Variants in FOXP1 observed in about 807,000 individuals in gnomAD.
FOXP1 encodes forkhead box protein P1.
Under a neutral mutation model 98.2 loss-of-function variants are expected in FOXP1, and 15 were observed. The ratio of observed to expected loss-of-function variants is 0.15; its 90% CI spans 0.10 to 0.24. The LOEUF (loss-of-function observed/expected upper bound fraction) is 0.24, where lower values mean the gene tolerates loss of function less well. Among genes scored for constraint, FOXP1 ranks in the 10% least tolerant of loss-of-function variants. The pLI is 1.00. For missense variants in FOXP1, 633 were observed against 848.5 expected (o/e 0.75, Z 3.15); for synonymous variants, 371 against 314.5 (o/e 1.18, Z -1.90).
chr3:71,319,594 T>C (rs1416818789), intron 4 of FOXP1, among the ~76,000 whole-genome samples: 4 of 152,190 alleles, frequency 2.6e-5, no homozygotes, highest in African/African-American at 9.7e-5. Context: ...TGTAAAGAGC[T>C]GCTATACTCC....
At chr3:71,308,749 ATGTGTGTGTGTGTGTGTGTG>A (rs71104439) in intron 4 of FOXP1, among the ~76,000 whole-genome samples, 16,863 of 132,282 alleles carry the variant, frequency 0.13, 1,092 homozygotes, top group Non-Finnish European at 0.14. Flanking sequence ...TTCTACCACA[ATGTGTGTGTGTGTGTGTGTG>A]TGTGTGTGTG....
chr3:71,154,603 C>T (rs1005253003), intron 6 of FOXP1, among the ~76,000 whole-genome samples: 3 of 152,172 alleles, frequency 2.0e-5, no homozygotes, highest in Admixed American at 2.0e-4. Flanking sequence ...TGGGCGGAGG[C>T]AAAGAACACG....
intron 5 of FOXP1, among the ~76,000 whole-genome samples, chr3:71,258,620 G>A (rs2107152553): frequency 6.6e-6 from 1 of 152,270 alleles, no homozygotes; most frequent in East Asian, 1.9e-4. Flanking sequence ...CAGGCAGGAA[G>A]GCAAGGACAG....
chr3:71,402,742 G>A (rs1216090617), intron 3 of FOXP1, among the ~76,000 whole-genome samples: 1 of 152,236 alleles, frequency 6.6e-6, no homozygotes, highest in Non-Finnish European at 1.5e-5. Context: ...CTGATGGAAT[G>A]TGCTGCTGAG....
intron 11 of FOXP1, among the ~76,000 whole-genome samples, chr3:71,036,058 C>G (rs2047537512): frequency 6.6e-6 from 1 of 152,154 alleles, no homozygotes; most frequent in Non-Finnish European, 1.5e-5. Flanking sequence ...GGCCTGTAAA[C>G]ACAAATGTTA....
intron 3 of FOXP1, among the ~76,000 whole-genome samples, chr3:71,455,779 A>C (rs1041795401): frequency 6.6e-6 from 1 of 152,218 alleles, no homozygotes; most frequent in African/African-American, 2.4e-5. Flanking sequence ...TTACCTAAGA[A>C]AGAAAAGAGC....
At chr3:71,000,634 T>C (rs1261780465) in intron 13 of FOXP1, among the ~76,000 whole-genome samples, 6 of 150,972 alleles carry the variant, frequency 4.0e-5, no homozygotes, top group Non-Finnish European at 1.5e-5. Flanking sequence ...AACCAGAAAA[T>C]GCAAAGGAGA....
At chr3:71,533,690 G>A (rs1202549923) in intron 2 of FOXP1, among the ~76,000 whole-genome samples, 1 of 152,064 alleles carries the variant, frequency 6.6e-6, no homozygotes, top group Non-Finnish European at 1.5e-5. Flanking sequence ...TTTAAAGGGG[G>A]CAATAGCAAA....
chr3:71,186,908 A>G (rs2062681987), intron 6 of FOXP1, among the ~76,000 whole-genome samples: 2 of 152,222 alleles, frequency 1.3e-5, no homozygotes, highest in South Asian at 2.1e-4. Context: ...TGTCAGATTA[A>G]TATCTTAGGC....
rs538358113 is a variant in FOXP1 at position 71,068,718 on chromosome 3, A to AC, written c.283-14946dup. On this transcript the variant is annotated intron_variant, in intron 7 of 20. Transcript: ENST00000649528. ...CCAGGACATATTCTGAAATGACAGA[A>AC]CTTAAAGAGATTCAACCAACTGATT... Among the ~76,000 whole-genome samples the AC allele has an allele frequency of 3.7e-3, 560 of 152,360 alleles. 4 individuals carry two copies. The highest frequency in any genetic ancestry group is 0.01 in the South Asian group (50 of 4,830).
chr3:71,572,373 G>A (rs1450302364), intron 2 of FOXP1: 1 of 152,148 alleles, frequency 6.6e-6, no homozygotes, highest in South Asian at 2.1e-4. Context: ...AATTTTCAAT[G>A]TACAGAGTGC....
rs1168172407 is a variant in FOXP1 at position 71,014,830 on chromosome 3, T to C, written c.974+719A>G. Among the ~76,000 whole-genome samples the C allele has an allele frequency of 5.3e-5, 8 of 152,188 alleles. No individual in the cohort carries two copies. In the East Asian group the frequency reaches 1.3e-3, roughly 26 times the overall value. ...GCAGCCATAAAAAAGGATGAGTTCA[T>C]GTCCTCTGTAGGGACACAGATGAAG... On this transcript the variant is annotated intron_variant, in intron 12 of 20. Transcript: ENST00000649528.
At chr3:71,092,926 C>A (rs2056039687) in intron 7 of FOXP1, among the ~76,000 whole-genome samples, 1 of 152,154 alleles carries the variant, frequency 6.6e-6, no homozygotes, top group African/African-American at 2.4e-5. Context: ...GAGATTAGTT[C>A]TTGATTTTTC....
At chr3:71,040,622 T>A (rs138224892) in intron 11 of FOXP1, among the ~76,000 whole-genome samples, 65 of 152,262 alleles carry the variant, frequency 4.3e-4, no homozygotes, top group African/African-American at 1.5e-3. Context: ...TCAAGTAACA[T>A]TCATGTAAAG....
intron 13 of FOXP1, 32 bp from the exon 14 acceptor site, chr3:70,988,109 T>G (rs1218544489): frequency 1.3e-6 from 2 of 1,581,814 alleles, no homozygotes; most frequent in Non-Finnish European, 1.7e-6. Context: ...GTTATTTCTC[T>G]GAATAAAGAT....
At chr3:71,143,507 C>T (rs940626226) in intron 6 of FOXP1, among the ~76,000 whole-genome samples, 3 of 152,130 alleles carry the variant, frequency 2.0e-5, no homozygotes, top group Admixed American at 1.3e-4. Context: ...AGGCAGTGAT[C>T]GAACCACACT....
intron 6 of FOXP1, among the ~76,000 whole-genome samples, chr3:71,182,138 G>A (rs149652967): frequency 5.5e-4 from 83 of 152,120 alleles, no homozygotes; most frequent in African/African-American, 1.5e-3. Flanking sequence ...GTCACAAAAT[G>A]TTAGATAATG....
chr3:71,072,295 C>T (rs74380971), intron 7 of FOXP1, among the ~76,000 whole-genome samples: 4,434 of 152,244 alleles, frequency 0.029, 212 homozygotes, highest in African/African-American at 0.1. Flanking sequence ...CTGTACTCCA[C>T]AGCCTGGGCA....
At chr3:71,184,137 A>C (rs529449306) in intron 6 of FOXP1, among the ~76,000 whole-genome samples, 6 of 152,118 alleles carry the variant, frequency 3.9e-5, no homozygotes, top group African/African-American at 1.4e-4. Context: ...GGGCAACAAG[A>C]GCAAGACTGT....
Sources: gnomAD v4.1 joint callset for allele counts (sites outside exome capture counted in the v4.1 genomes callset) on GRCh38, gnomAD v4.1.1 for gene constraint, MANE v1.5 for transcripts, NCBI Gene and HGNC (gene_info 2026-07-23, HGNC 2026-07-21) for gene names.